AFF3: variants seen among roughly 807,000 people sequenced by gnomAD.
The protein encoded by AFF3 is AF4/FMR2 family member 3.
AFF3 carries 32 observed loss-of-function variants against 129.7 expected under a neutral mutation model. That is an observed-to-expected ratio of 0.25 (90% CI 0.19 to 0.33). The LOEUF is 0.33. Ranked by LOEUF, AFF3 falls within the 10% of genes least tolerant of loss-of-function variation. AFF3 has a pLI of 1.00. For synonymous variants in AFF3, 644 were observed against 635.4 expected, an observed-to-expected ratio of 1.01 and a Z score of -0.20; for missense variants, 1,373 against 1,592.0, an observed-to-expected ratio of 0.86 and a Z score of 2.34.
intron 4 of AFF3, among the ~76,000 whole-genome samples, chr2:100,031,096 C>A: frequency 6.6e-6 from 1 of 151,802 alleles, no homozygotes; most frequent in Admixed American, 6.6e-5. Context: ...AAATCCTGAC[C>A]CAAATAATAA....
intron 8 of AFF3, among the ~76,000 whole-genome samples, chr2:99,817,957 C>T (rs1687370500): frequency 6.6e-6 from 1 of 152,132 alleles, no homozygotes; most frequent in Non-Finnish European, 1.5e-5. Flanking sequence ...ATGCCTTTGC[C>T]TTCTTATGAA....
chr2:100,104,863 G>A, intron 3 of AFF3: 2 of 447,590 alleles, frequency 4.5e-6, no homozygotes, highest in Non-Finnish European at 5.8e-6. Context: ...TTCTCCTCCG[G>A]GAGGCGCGTG....
intron 7 of AFF3, among the ~76,000 whole-genome samples, chr2:99,916,786 A>C (rs1695503602): frequency 6.6e-6 from 1 of 152,042 alleles, no homozygotes; most frequent in African/African-American, 2.4e-5. Context: ...CGGCCTCCCT[A>C]GGTCATCAAT....
intron 11 of AFF3, among the ~76,000 whole-genome samples, chr2:99,689,221 A>T (rs760272964): frequency 6.7e-6 from 1 of 148,816 alleles, no homozygotes; most frequent in Non-Finnish European, 1.5e-5. Flanking sequence ...TCCCCCTATG[A>T]TTTAAATTCC....
At chr2:100,018,755 T>C (rs1683345413) in intron 4 of AFF3, among the ~76,000 whole-genome samples, 1 of 151,970 alleles carries the variant, frequency 6.6e-6, no homozygotes, top group South Asian at 2.1e-4. Flanking sequence ...CTTAACCAAA[T>C]GAGACCCACT....
intron 7 of AFF3, among the ~76,000 whole-genome samples, chr2:99,875,310 G>T (rs2105983709): frequency 6.6e-6 from 1 of 152,218 alleles, no homozygotes; most frequent in African/African-American, 2.4e-5. Flanking sequence ...CTCCTCCAGG[G>T]CTGCCTGTTA....
At chr2:99,964,811 T>A (rs921133071) in intron 7 of AFF3, among the ~76,000 whole-genome samples, 1 of 152,214 alleles carries the variant, frequency 6.6e-6, no homozygotes, top group African/African-American at 2.4e-5. Context: ...ATGAAACTCT[T>A]CTGTATCCTG....
At chr2:99,800,365 T>G (rs910710432) in intron 8 of AFF3, among the ~76,000 whole-genome samples, 2 of 152,072 alleles carry the variant, frequency 1.3e-5, no homozygotes, top group African/African-American at 2.4e-5. Context: ...AAAACCACAA[T>G]GAGATACCAC....
In AFF3 at chr2:99,609,089, T is replaced by C. The variant is rs1680660892; in HGVS notation, c.1185-7468A>G. 4.6e-5 allele frequency among the ~76,000 whole-genome samples: 7 copies of C among 152,098 alleles called. No homozygotes were observed. In the South Asian group the frequency reaches 1.2e-3, roughly 27 times the overall value. ...ACACTCTCACTTCCTCAGCCCACCT[T>C]TTTTTTTCTTAAAGTGAAAGCAAGT... is the stretch of plus-strand genomic sequence containing the variant. On this transcript the variant is annotated intron_variant, in intron 13 of 24. Transcript: ENST00000672756.
chr2:100,120,885 G>T (rs1314333700), intron 2 of AFF3, among the ~76,000 whole-genome samples: 2 of 152,136 alleles, frequency 1.3e-5, no homozygotes, highest in African/African-American at 4.8e-5. Context: ...CGATCCTCCT[G>T]CCTCAGTCTC....
At chr2:99,632,461 C>T (rs748182408) in intron 13 of AFF3, among the ~76,000 whole-genome samples, 14 of 152,118 alleles carry the variant, frequency 9.2e-5, no homozygotes, top group South Asian at 2.1e-4. Flanking sequence ...TGTAATTATA[C>T]AGAGGCATGG....
intron 12 of AFF3, among the ~76,000 whole-genome samples, chr2:99,651,779 C>G (rs1685281147): frequency 6.6e-6 from 1 of 152,050 alleles, no homozygotes; most frequent in African/African-American, 2.4e-5. Flanking sequence ...CAATACTTCT[C>G]ATGCTGATAG....
chr2:99,624,077 C>T (rs1682313176), intron 13 of AFF3, among the ~76,000 whole-genome samples: 1 of 152,204 alleles, frequency 6.6e-6, no homozygotes, highest in Non-Finnish European at 1.5e-5. Flanking sequence ...CTGGAGCCAC[C>T]GGGTTGCTTC....
chr2:99,633,351 T>G (rs1683307932), intron 13 of AFF3, among the ~76,000 whole-genome samples: 1 of 151,912 alleles, frequency 6.6e-6, no homozygotes, highest in South Asian at 2.1e-4. Context: ...GATGGTGCTG[T>G]GTGGACGATG....
At chr2:99,689,040 C>G (rs545653500) in intron 11 of AFF3, among the ~76,000 whole-genome samples, 4 of 152,178 alleles carry the variant, frequency 2.6e-5, no homozygotes, top group Non-Finnish European at 4.4e-5. Context: ...CTCCTCCCTA[C>G]AGACAACAAA....
chr2:99,720,909 T>C (rs1678832137), intron 11 of AFF3, among the ~76,000 whole-genome samples: 1 of 152,228 alleles, frequency 6.6e-6, no homozygotes, highest in Admixed American at 6.5e-5. Context: ...GTAAAAACTT[T>C]GCAGTTGTGT....
intron 12 of AFF3, among the ~76,000 whole-genome samples, chr2:99,660,254 T>C (rs1272951906): frequency 6.6e-6 from 1 of 152,230 alleles, no homozygotes; most frequent in Non-Finnish European, 1.5e-5. Flanking sequence ...TTTGTTTTTG[T>C]AGAAAGACCA....
intron 8 of AFF3, among the ~76,000 whole-genome samples, chr2:99,762,150 A>G (rs1192344344): frequency 1.4e-5 from 2 of 140,420 alleles, no homozygotes; most frequent in East Asian, 4.1e-4. Context: ...TTTCAGATGG[A>G]GTCTCGCTCT....
chr2:99,933,158 A>T (rs1157202055), intron 7 of AFF3, among the ~76,000 whole-genome samples: 1 of 150,580 alleles, frequency 6.6e-6, no homozygotes, highest in African/African-American at 2.4e-5. Flanking sequence ...CTTTTTTTTT[A>T]AATAAAAACT....
Sources: allele counts gnomAD v4.1 joint callset (sites outside exome capture counted in the v4.1 genomes callset), GRCh38; gene constraint gnomAD v4.1.1; transcripts MANE v1.5; gene names NCBI Gene and HGNC (gene_info 2026-07-23, HGNC 2026-07-21).